Variants in HS6ST3 observed in about 807,000 individuals in gnomAD.
HS6ST3 encodes heparan sulfate 6-O-sulfotransferase 3, also known as heparan-sulfate 6-O-sulfotransferase 3.
HS6ST3 carries 12 observed loss-of-function variants against 36.7 expected under a neutral mutation model. The ratio of observed to expected loss-of-function variants is 0.33; its 90% CI spans 0.21 to 0.53. The LOEUF is 0.53. Among genes scored for constraint, HS6ST3 ranks in the 20% least tolerant of loss-of-function variants. The pLI is 0.95. For missense variants in HS6ST3, 584 were observed against 640.9 expected, an observed-to-expected ratio of 0.91 and a Z score of 0.96; for synonymous variants, 240 against 257.5, an observed-to-expected ratio of 0.93 and a Z score of 0.65.
chr13:96,521,948 G>A (rs1256134674), intron 1 of HS6ST3, among the ~76,000 whole-genome samples: 4 of 152,128 alleles, frequency 2.6e-5, no homozygotes, highest in African/African-American at 9.7e-5. Context: ...ATGTTAGGGT[G>A]TCGATTTTCG....
intron 1 of HS6ST3, among the ~76,000 whole-genome samples, chr13:96,292,388 C>T (rs760771784): frequency 2.6e-5 from 4 of 151,800 alleles, no homozygotes; most frequent in Middle Eastern, 3.4e-3. Context: ...TTCTTTGAGC[C>T]GTGGAGTGAT....
intron 1 of HS6ST3, among the ~76,000 whole-genome samples, chr13:96,536,002 C>A (rs2056153771): frequency 6.6e-6 from 1 of 152,176 alleles, no homozygotes; most frequent in Non-Finnish European, 1.5e-5. Flanking sequence ...ATACCTCCTT[C>A]TTTTTAACCT....
intron 1 of HS6ST3, among the ~76,000 whole-genome samples, chr13:96,204,092 T>A (rs1036935985): frequency 7.9e-5 from 12 of 152,358 alleles, no homozygotes; most frequent in African/African-American, 2.9e-4. Context: ...ATATTTAAGC[T>A]TATATGTATT....
chr13:96,330,472 G>A (rs2055059851), intron 1 of HS6ST3, among the ~76,000 whole-genome samples: 1 of 148,782 alleles, frequency 6.7e-6, no homozygotes, highest in Non-Finnish European at 1.5e-5. Context: ...GAAATTCTGG[G>A]TTGAAAATTC....
chr13:96,452,865 C>G (rs1566365416), intron 1 of HS6ST3, among the ~76,000 whole-genome samples: 1 of 152,014 alleles, frequency 6.6e-6, no homozygotes, highest in African/African-American at 2.4e-5. Flanking sequence ...ACCCTACTAC[C>G]TGGGAGGAAT....
chr13:96,253,659 T>C (rs2054618364), intron 1 of HS6ST3, among the ~76,000 whole-genome samples: 2 of 152,200 alleles, frequency 1.3e-5, no homozygotes, highest in African/African-American at 2.4e-5. Context: ...CTCATTTTTC[T>C]TTTCACTCAA....
intron 1 of HS6ST3, among the ~76,000 whole-genome samples, chr13:96,544,086 C>G (rs2056188286): frequency 6.6e-6 from 1 of 152,020 alleles, no homozygotes; most frequent in Admixed American, 6.6e-5. Flanking sequence ...CACCCTACAT[C>G]CACAGAATGG....
chr13:96,740,682 G>C (rs1876415632), intron 1 of HS6ST3, among the ~76,000 whole-genome samples: 1 of 152,114 alleles, frequency 6.6e-6, no homozygotes, highest in African/African-American at 2.4e-5. Flanking sequence ...TCCATCACTG[G>C]TTTATTTTCT....
intron 1 of HS6ST3, among the ~76,000 whole-genome samples, chr13:96,820,356 C>T (rs55864120): frequency 0.082 from 12,513 of 152,016 alleles, 607 homozygotes; most frequent in Non-Finnish European, 0.11. Context: ...TTATGAGGCT[C>T]TAATAATCAT....
intron 1 of HS6ST3, among the ~76,000 whole-genome samples, chr13:96,414,924 G>A (rs1303012165): frequency 6.6e-6 from 1 of 152,110 alleles, no homozygotes; most frequent in African/African-American, 2.4e-5. Context: ...GCCTTTCTCA[G>A]AATTCTTGAT....
intron 1 of HS6ST3, among the ~76,000 whole-genome samples, chr13:96,540,528 C>G (rs1001783925): frequency 6.6e-6 from 1 of 152,132 alleles, no homozygotes; most frequent in East Asian, 1.9e-4. Flanking sequence ...CCCAACCACT[C>G]TAATAGGCCA....
chr13:96,828,657 T>A (rs1003826560), intron 1 of HS6ST3, among the ~76,000 whole-genome samples: 1 of 151,854 alleles, frequency 6.6e-6, no homozygotes, highest in Non-Finnish European at 1.5e-5. Context: ...TATGCACACA[T>A]CTCATAGGAT....
chr13:96,498,465 T>G (rs2055988091), intron 1 of HS6ST3, among the ~76,000 whole-genome samples: 1 of 152,166 alleles, frequency 6.6e-6, no homozygotes, highest in African/African-American at 2.4e-5. Context: ...GATGGCTCCT[T>G]GTCTTTTAAA....
intron 1 of HS6ST3, among the ~76,000 whole-genome samples, chr13:96,781,345 T>C (rs1877522197): frequency 6.6e-6 from 1 of 152,214 alleles, no homozygotes; most frequent in South Asian, 2.1e-4. Flanking sequence ...ATGAGCTGGC[T>C]TTCAGTCCCC....
intron 1 of HS6ST3, among the ~76,000 whole-genome samples, chr13:96,818,110 A>G (rs75388529): frequency 3.6e-5 from 5 of 140,150 alleles, no homozygotes; most frequent in African/African-American, 1.3e-4. Context: ...GCCTGAAGAA[A>G]AATATTTGCA....
chr13:96,254,924 A>G (rs2054629615), intron 1 of HS6ST3, among the ~76,000 whole-genome samples: 1 of 152,236 alleles, frequency 6.6e-6, no homozygotes. Context: ...CTTTCTCCAT[A>G]GCAGTGAATA....
chr13:96,515,642 A>T (rs968294613), intron 1 of HS6ST3, among the ~76,000 whole-genome samples: 1 of 151,958 alleles, frequency 6.6e-6, no homozygotes, highest in Non-Finnish European at 1.5e-5. Context: ...CGAGAGAGGG[A>T]TGTGGTGTGA....
At chr13:96,765,593 T>G (rs1049520333) in intron 1 of HS6ST3, among the ~76,000 whole-genome samples, 1 of 49,752 alleles carries the variant, frequency 2.0e-5, no homozygotes, top group Admixed American at 2.0e-4. Context: ...TCTCTTTCTC[T>G]CTCTCTCTCT....
At chr13:96,183,517 C>G (rs1476698457) in intron 1 of HS6ST3, among the ~76,000 whole-genome samples, 1 of 152,150 alleles carries the variant, frequency 6.6e-6, no homozygotes, top group African/African-American at 2.4e-5. Flanking sequence ...TCTACTCTTT[C>G]CCTTTCAATT....
Sources: gnomAD v4.1 joint callset for allele counts (sites outside exome capture counted in the v4.1 genomes callset) on GRCh38, gnomAD v4.1.1 for gene constraint, MANE v1.5 for transcripts, NCBI Gene and HGNC (gene_info 2026-07-23, HGNC 2026-07-21) for gene names.